Variants in FAM107A observed in about 807,000 individuals in gnomAD.
The protein encoded by FAM107A is family with sequence similarity 107 member A.
Under a neutral mutation model 13.7 loss-of-function variants are expected in FAM107A, and 19 were observed. That is an observed-to-expected ratio of 1.38 (90% CI 0.97 to 2.03). The LOEUF (loss-of-function observed/expected upper bound fraction) is 2.03, where lower values mean the gene tolerates loss of function less well. FAM107A is among the 30% of genes most tolerant of loss of function. The probability of loss-of-function intolerance (pLI) is 0.00; values close to 1 mark genes in which losing one functional copy is unlikely to be tolerated. For synonymous variants in FAM107A, 82 were observed against 74.5 expected, an observed-to-expected ratio of 1.10 and a Z score of -0.52; for missense variants, 203 against 184.4, an observed-to-expected ratio of 1.10 and a Z score of -0.58.
chr3:58,584,918 A>G (rs548642525), intron 1 of FAM107A, among the ~76,000 whole-genome samples: 14 of 152,314 alleles, frequency 9.2e-5, no homozygotes, highest in African/African-American at 3.4e-4. Context: ...TTCATTTTCA[A>G]TACATCTTTG....
At chr3:58,595,364 A>C (rs546312037) in intron 1 of FAM107A, among the ~76,000 whole-genome samples, 1 of 152,364 alleles carries the variant, frequency 6.6e-6, no homozygotes, top group South Asian at 2.1e-4. Context: ...CCACAGAAGA[A>C]GTGAAATTAG....
intron 1 of FAM107A, among the ~76,000 whole-genome samples, chr3:58,616,554 C>CAA (rs1256565818): frequency 1.3e-5 from 2 of 151,338 alleles, no homozygotes; most frequent in Non-Finnish European, 3.0e-5. Flanking sequence ...CACACACACA[C>CAA]ACACACACAC....
At chr3:58,611,272 T>C (rs1444041071) in intron 1 of FAM107A, among the ~76,000 whole-genome samples, 1 of 90 alleles carries the variant, frequency 0.011, no homozygotes, top group Non-Finnish European at 0.02. Context: ...AAGGAGGCCC[T>C]GCCAGGGGCC....
chr3:58,620,405 C>T (rs1176436507), intron 1 of FAM107A, among the ~76,000 whole-genome samples: 1 of 152,222 alleles, frequency 6.6e-6, no homozygotes, highest in Non-Finnish European at 1.5e-5. Flanking sequence ...GACAAGCTTG[C>T]CCTGTTCTTG....
At chr3:58,618,407 C>G (rs1210270644) in intron 1 of FAM107A, among the ~76,000 whole-genome samples, 4 of 152,216 alleles carry the variant, frequency 2.6e-5, no homozygotes, top group Admixed American at 2.6e-4. Context: ...GCTGCCCTCT[C>G]TTTTTCTCTC....
intron 1 of FAM107A, among the ~76,000 whole-genome samples, chr3:58,593,024 C>T (rs1456930930): frequency 1.3e-5 from 2 of 152,148 alleles, no homozygotes; most frequent in African/African-American, 4.8e-5. Context: ...TCTGACCCCT[C>T]AAACTCTACA....
chr3:58,564,247 G>A lies in FAM107A; in HGVS notation c.*2341C>T, dbSNP rs1375924401. On this transcript the variant is annotated 3_prime_UTR_variant, in exon 4 of 4. Transcript: ENST00000360997. The surrounding 1 kb of genome is among the most constrained non-coding windows in gnomAD (Gnocchi z 5.6). ...TTGGCCTTTTTGTCATGGTAGCAAA[G>A]TGGCTGCTGTGGCTCCAGGCATCAC... 1 of 152,292 alleles carries A rather than the reference G, an allele frequency of 6.6e-6. No homozygotes were observed. Among genetic ancestry groups the A allele is most frequent in the African/African-American group, 2.4e-5 (1 of 41,460 alleles). 9.4% of individuals were successfully genotyped at this position (152,292 alleles called of 1,614,324 possible).
intron 1 of FAM107A, among the ~76,000 whole-genome samples, chr3:58,618,219 G>A (rs1306739030): frequency 6.6e-6 from 1 of 152,214 alleles, no homozygotes; most frequent in Non-Finnish European, 1.5e-5. Flanking sequence ...TTTGGTGCAT[G>A]TGGAGGAATC....
intron 1 of FAM107A, chr3:58,573,751 G>T (rs1340621061): frequency 1.3e-5 from 2 of 152,322 alleles, no homozygotes; most frequent in East Asian, 1.9e-4. Context: ...TCGAATGTCA[G>T]CTCTGTCCAT....
chr3:58,567,096 G>C (rs770436616), intron 3 of FAM107A, 112 bp downstream of exon 3: 10 of 1,341,136 alleles, frequency 7.5e-6, no homozygotes, highest in Non-Finnish European at 1.1e-5. Context: ...TCTTAGTCCA[G>C]TGCTCTGTCT....
At chr3:58,567,672 A>G (rs574124760) in intron 2 of FAM107A, among the ~76,000 whole-genome samples, 1 of 152,332 alleles carries the variant, frequency 6.6e-6, no homozygotes, top group East Asian at 1.9e-4. Context: ...TCCTAAAGGT[A>G]GAATTGCTGG....
At chr3:58,571,624 G>A (rs2063684775) in intron 1 of FAM107A, among the ~76,000 whole-genome samples, 1 of 152,196 alleles carries the variant, frequency 6.6e-6, no homozygotes, top group South Asian at 2.1e-4. Context: ...TTTATTGTCT[G>A]TGGGATCAAG....
At chr3:58,619,097 C>T (rs770038757) in intron 1 of FAM107A, among the ~76,000 whole-genome samples, 1 of 152,060 alleles carries the variant, frequency 6.6e-6, no homozygotes, top group Non-Finnish European at 1.5e-5. Flanking sequence ...ACCTCCTGGG[C>T]TCAAGGAATC....
chr3:58,577,993 G>T (rs1186467961), upstream of FAM107A, among the ~76,000 whole-genome samples: 1 of 152,000 alleles, frequency 6.6e-6, no homozygotes, highest in African/African-American at 2.4e-5. This position sits in a 1 kb window ranked among gnomAD's most constrained non-coding sequence, Gnocchi z 4.9. Context: ...AGGCTCATGT[G>T]TTGGCCCTGG....
chr3:58,611,110 C>T (rs528064036), intron 1 of FAM107A, among the ~76,000 whole-genome samples: 2 of 152,328 alleles, frequency 1.3e-5, no homozygotes, highest in East Asian at 3.9e-4. Flanking sequence ...CCTTTCTTTC[C>T]CTTTGCCTTC....
intron 3 of FAM107A, 130 bp downstream of exon 3, chr3:58,567,078 G>T: frequency 8.7e-7 from 1 of 1,154,726 alleles, no homozygotes; most frequent in Non-Finnish European, 1.3e-6. Flanking sequence ...CTCAGGCCAG[G>T]AGTGGACTCT....
At chr3:58,599,922 C>T (rs552521375) in intron 1 of FAM107A, among the ~76,000 whole-genome samples, 3 of 151,484 alleles carry the variant, frequency 2.0e-5, no homozygotes, top group East Asian at 3.9e-4. Flanking sequence ...GTGATCCTCC[C>T]GCCTCAGCCT....
At chr3:58,586,225 C>G (rs1273689875) in intron 1 of FAM107A, among the ~76,000 whole-genome samples, 2 of 142,260 alleles carry the variant, frequency 1.4e-5, no homozygotes, top group East Asian at 3.8e-4. Context: ...CTTCCTGCGC[C>G]TACAGCCGCC....
In FAM107A at chr3:58,565,744, C is replaced by T. The variant is rs1449618318; in HGVS notation, c.*844G>A. The T allele has an allele frequency of 6.6e-6, 1 of 152,084 alleles. No individual in the cohort carries two copies. The highest frequency in any genetic ancestry group is 1.5e-5 in the Non-Finnish European group (1 of 68,026). 9.4% of individuals were successfully genotyped at this position (152,084 alleles called of 1,614,324 possible). ...CCAATATATATCAGCCCTGGGCACT[C>T]TCGCCCTGCTGCTCACAGCATGGTC... On this transcript the variant is annotated 3_prime_UTR_variant, in exon 4 of 4. Coordinates refer to ENST00000360997, the MANE Select transcript of FAM107A (RefSeq NM_001076778.3).
Sources: allele counts gnomAD v4.1 joint callset (sites outside exome capture counted in the v4.1 genomes callset), GRCh38; gene constraint gnomAD v4.1.1; non-coding constraint Gnocchi (gnomAD v3.1); transcripts MANE v1.5; gene names NCBI Gene and HGNC (gene_info 2026-07-23, HGNC 2026-07-21).